XIRP2: variants seen among roughly 807,000 people sequenced by gnomAD.
XIRP2 encodes the protein xin actin-binding repeat-containing protein 2.
A neutral mutation model predicts 277.0 loss-of-function variants in XIRP2; 236 were observed. The ratio of observed to expected loss-of-function variants is 0.85; its 90% confidence interval spans 0.77 to 0.95. XIRP2 has a LOEUF of 0.95. Among genes scored for constraint, XIRP2 ranks in the 40% least tolerant of loss-of-function variants. The pLI, the probability that XIRP2 is intolerant of heterozygous loss-of-function variation, is 0.00. For missense variants in XIRP2, 4,640 were observed against 4,157.5 expected (o/e 1.12, Z -3.19); for synonymous variants, 1,490 against 1,416.5 (o/e 1.05, Z -1.17).
At chr2:166,926,826 A>T (rs1685200460) in intron 2 of XIRP2, among the ~76,000 whole-genome samples, 1 of 152,128 alleles carries the variant, frequency 6.6e-6, no homozygotes, top group African/African-American at 2.4e-5. Context: ...ACACAGCCCC[A>T]GAATCTACAA....
intron 9 of XIRP2, 113 bp downstream of exon 9, chr2:167,252,060 C>T: frequency 6.9e-7 from 1 of 1,445,928 alleles, no homozygotes; most frequent in Non-Finnish European, 9.1e-7. Flanking sequence ...ACAATATAAC[C>T]TAAAACTAAC....
rs187920758 is a variant in XIRP2 at position 166,937,498 on chromosome 2, A to C, written c.408+33608A>C. 6.5e-3 allele frequency among the ~76,000 whole-genome samples: 996 copies of C among 152,268 alleles called. 10 individuals are homozygous for C. The highest frequency in any genetic ancestry group is 0.02 in the Middle Eastern group (6 of 294). On this transcript the variant is annotated intron_variant, in intron 2 of 10. Coordinates refer to ENST00000409195, the MANE Select transcript of XIRP2 (RefSeq NM_152381.6). ...GATGTGCTGCTGGATTTGGTTTGCC[A>C]GTATTTTTTTGAGGATTTTTGCATC...
chr2:167,001,689 G>C (rs1387515115), intron 2 of XIRP2, among the ~76,000 whole-genome samples: 1 of 152,204 alleles, frequency 6.6e-6, no homozygotes, highest in East Asian at 1.9e-4. Flanking sequence ...TTAGGATTTT[G>C]TAAGTGCCCC....
chr2:167,035,960 G>T (rs904699442), intron 2 of XIRP2, among the ~76,000 whole-genome samples: 1 of 152,232 alleles, frequency 6.6e-6, no homozygotes, highest in Non-Finnish European at 1.5e-5. Context: ...GAGGGTGGAA[G>T]CCCCAAGCTT....
chr2:167,094,668 T>C (rs888043720), intron 2 of XIRP2, among the ~76,000 whole-genome samples: 2 of 152,168 alleles, frequency 1.3e-5, no homozygotes, highest in Non-Finnish European at 2.9e-5. Flanking sequence ...TCTGTTCCAT[T>C]GGTCTACATA....
At chr2:167,089,159 G>T (rs1690066219) in intron 2 of XIRP2, among the ~76,000 whole-genome samples, 1 of 152,076 alleles carries the variant, frequency 6.6e-6, no homozygotes, top group Non-Finnish European at 1.5e-5. Context: ...CTTAAGAGAT[G>T]GTTGTCACAG....
At chr2:166,948,118 G>C (rs144192033) in intron 2 of XIRP2, among the ~76,000 whole-genome samples, 7 of 152,148 alleles carry the variant, frequency 4.6e-5, no homozygotes, top group Admixed American at 1.3e-4. Context: ...AATATACTTC[G>C]TATGATAGTA....
intron 2 of XIRP2, among the ~76,000 whole-genome samples, chr2:167,037,047 G>T (rs1486847244): frequency 5.3e-5 from 8 of 151,962 alleles, no homozygotes; most frequent in Non-Finnish European, 1.0e-4. Flanking sequence ...CCCAGTCTCA[G>T]GTATGTCTTT....
intron 2 of XIRP2, among the ~76,000 whole-genome samples, chr2:167,030,811 T>C (rs1031724198): frequency 1.1e-4 from 17 of 152,182 alleles, no homozygotes; most frequent in East Asian, 3.9e-4. Context: ...CCCACTAATA[T>C]TGTGTGGTAG....
intron 2 of XIRP2, among the ~76,000 whole-genome samples, chr2:167,089,915 A>G (rs1236910313): frequency 6.6e-6 from 1 of 152,136 alleles, no homozygotes; most frequent in East Asian, 1.9e-4. Flanking sequence ...TCCTATCTGG[A>G]CCTTACGAGA....
At chr2:166,967,094 G>A (rs970637726) in intron 2 of XIRP2, among the ~76,000 whole-genome samples, 7 of 151,942 alleles carry the variant, frequency 4.6e-5, no homozygotes, top group African/African-American at 1.4e-4. Flanking sequence ...ATTCTCCATT[G>A]GCTTACCCTT....
chr2:167,023,262 A>G (rs1688041087), intron 2 of XIRP2, among the ~76,000 whole-genome samples: 1 of 152,078 alleles, frequency 6.6e-6, no homozygotes, highest in African/African-American at 2.4e-5. Context: ...TCTTTTGAGA[A>G]GTGTCTGTTC....
intron 3 of XIRP2, among the ~76,000 whole-genome samples, chr2:167,206,295 T>C (rs1693850107): frequency 6.6e-6 from 1 of 152,204 alleles, no homozygotes; most frequent in Non-Finnish European, 1.5e-5. Context: ...ATTTCTTCTA[T>C]CTACTTCCCC....
chr2:167,027,058 T>C (rs1037165797), intron 2 of XIRP2, among the ~76,000 whole-genome samples: 3 of 152,180 alleles, frequency 2.0e-5, no homozygotes, highest in African/African-American at 7.2e-5. Flanking sequence ...CCTGCCTTTA[T>C]AGATTGGGGA....
intron 3 of XIRP2, among the ~76,000 whole-genome samples, chr2:167,136,795 G>C (rs540341005): frequency 6.6e-6 from 1 of 152,260 alleles, no homozygotes; most frequent in East Asian, 1.9e-4. Flanking sequence ...ATCATAATTA[G>C]TACAAATTTT....
chr2:167,023,643 G>A (rs1688053440), intron 2 of XIRP2, among the ~76,000 whole-genome samples: 1 of 152,134 alleles, frequency 6.6e-6, no homozygotes, highest in Non-Finnish European at 1.5e-5. Context: ...TAAGGTGTAA[G>A]GAAGGGATCT....
intron 3 of XIRP2, among the ~76,000 whole-genome samples, chr2:167,139,429 T>C (rs1574289866): frequency 6.6e-6 from 1 of 152,298 alleles, no homozygotes; most frequent in African/African-American, 2.4e-5. Context: ...AGATAAAATA[T>C]ATATTCAAAG....
chr2:167,188,715 C>A (rs1693236066), intron 3 of XIRP2, among the ~76,000 whole-genome samples: 1 of 152,224 alleles, frequency 6.6e-6, no homozygotes, highest in Non-Finnish European at 1.5e-5. Flanking sequence ...TATAAACTAA[C>A]AACTAGGTCC....
chr2:167,087,383 CTGCTGTCTTTTTGTTTGTCTG>C (rs1267852259), intron 2 of XIRP2, among the ~76,000 whole-genome samples: 1 of 146,236 alleles, frequency 6.8e-6, no homozygotes, highest in Non-Finnish European at 1.5e-5. Context: ...GCAGAGGTTA[CTGCTGTCTTTTTGTTTGTCTG>C]TGCCCTGCCC....
Sources: gnomAD v4.1 joint callset for allele counts (sites outside exome capture counted in the v4.1 genomes callset) on GRCh38, gnomAD v4.1.1 for gene constraint, MANE v1.5 for transcripts, NCBI Gene and HGNC (gene_info 2026-07-23, HGNC 2026-07-21) for gene names.